The following CACNA1C variants were observed in gnomAD, a reference collection of about 807,000 sequenced individuals.
CACNA1C encodes voltage-dependent L-type calcium channel subunit alpha-1C.
Under a neutral mutation model 229.0 loss-of-function variants are expected in CACNA1C, and 30 were observed. That is an observed-to-expected ratio of 0.13 (90% CI 0.10 to 0.18). The LOEUF (loss-of-function observed/expected upper bound fraction) is 0.18. Among genes scored for constraint, CACNA1C ranks in the 10% least tolerant of loss-of-function variants. CACNA1C has a pLI of 1.00. For missense variants in CACNA1C, 1,658 were observed against 2,845.0 expected, an observed-to-expected ratio of 0.58 and a Z score of 9.49; for synonymous variants, 1,114 against 1,132.5, an observed-to-expected ratio of 0.98 and a Z score of 0.33.
At chr12:2,565,234 C>T (rs1209106995) in intron 11 of CACNA1C, among the ~76,000 whole-genome samples, 13 of 151,190 alleles carry the variant, frequency 8.6e-5, no homozygotes, top group South Asian at 4.2e-4. Context: ...TTTGGGAGGC[C>T]GAGGCGGGTG....
rs1007966014 is a variant in CACNA1C, at chr12:2,486,363, G to C, written c.916+101G>C. 4 of 957,176 alleles carry C rather than the reference G, an allele frequency of 4.2e-6. No homozygotes were observed. The highest frequency in any genetic ancestry group is 4.8e-5 in the Admixed American group (2 of 41,708). The allele number at this position is 957,176 out of a possible 1,614,324, so 59.3% of individuals were successfully genotyped here. A position where few individuals can be genotyped will look rare whatever the true frequency, so the allele number is the denominator to read the frequency against. ...ACCAACATGACCAGCAGAGCCCAGG[G>C]AAGGCCCCATTCATTCAGACACACA... On this transcript the variant is annotated intron_variant, in intron 6 of 46. Transcript: ENST00000399655. The surrounding 1 kb of genome is among the most constrained non-coding windows in gnomAD (Gnocchi z 4.9).
At chr12:2,655,111 A>T in intron 33 of CACNA1C, 36 bp from the exon 34 acceptor site, 1 of 1,328,536 alleles carries the variant, frequency 7.5e-7, no homozygotes, top group Non-Finnish European at 1.1e-6. Flanking sequence ...CTATCTGTCC[A>T]CAAATCACTG....
chr12:2,258,174 G>A (rs996328430), intron 3 of CACNA1C, among the ~76,000 whole-genome samples: 1 of 152,170 alleles, frequency 6.6e-6, no homozygotes, highest in African/African-American at 2.4e-5. Flanking sequence ...CTTATTTCTG[G>A]TTATTTGCCA....
rs946388818 is a variant in CACNA1C, at chr12:2,285,940, C to G, written c.478-163036C>G. Among the ~76,000 whole-genome samples, 1 of 152,174 alleles carries G rather than the reference C, an allele frequency of 6.6e-6. No individual in the cohort carries two copies. Among genetic ancestry groups the G allele is most frequent in the Admixed American group, 6.5e-5 (1 of 15,282 alleles). On this transcript the variant is annotated intron_variant, in intron 3 of 46. Transcript: ENST00000399655. This position sits in a 1 kb window ranked among gnomAD's most constrained non-coding sequence, Gnocchi z 4.2. ...TTTCAGGCCATTTCGTTTAGGCGAG[C>G]CCTCATGTTATAGTCAGGGAGTTTG...
intron 43 of CACNA1C, among the ~76,000 whole-genome samples, chr12:2,683,082 A>G (rs1161251833): frequency 6.6e-6 from 1 of 152,194 alleles, no homozygotes; most frequent in Non-Finnish European, 1.5e-5. Context: ...ACTGCTTATA[A>G]TGAAGCTGCC....
intron 3 of CACNA1C, among the ~76,000 whole-genome samples, chr12:2,447,374 C>T (rs908515101): frequency 6.6e-6 from 1 of 152,090 alleles, no homozygotes; most frequent in African/African-American, 2.4e-5. Flanking sequence ...GAAATCTGAC[C>T]CCTGCACTCC....
At position 2,639,380 on chromosome 12, in the gene CACNA1C, G is replaced by A. The variant is rs2093363027; in HGVS notation, c.3912+5000G>A. On this transcript the variant is annotated intron_variant, in intron 30 of 46. Transcript: ENST00000399655. The surrounding 1 kb of genome is among the most constrained non-coding windows in gnomAD (Gnocchi z 4.2). ...AAACTGGAATTAATTTGACTGCTTG[G>A]GCCAACAGCCTTTCCCGACACACTT... Among the ~76,000 whole-genome samples the A allele has an allele frequency of 6.6e-6, 1 of 152,062 alleles. No homozygotes were observed. The highest frequency in any genetic ancestry group is 1.5e-5 in the Non-Finnish European group (1 of 68,032).
At chr12:2,557,027 T>C (rs2154592588) in intron 11 of CACNA1C, 50 bp downstream of exon 11, 1 of 1,550,064 alleles carries the variant, frequency 6.5e-7, no homozygotes, top group Non-Finnish European at 8.9e-7. Context: ...CAGCTCTGTC[T>C]TCAGCCACCC....
At chr12:2,606,899 C>T in intron 25 of CACNA1C, 85 bp from the exon 26 acceptor site, 1 of 1,487,244 alleles carries the variant, frequency 6.7e-7, no homozygotes, top group Non-Finnish European at 9.3e-7. Context: ...CAGTCCCATC[C>T]CACCCAGCAT....
intron 10 of CACNA1C, among the ~76,000 whole-genome samples, chr12:2,556,323 C>A (rs2044250229): frequency 6.6e-6 from 1 of 152,196 alleles, no homozygotes; most frequent in South Asian, 2.1e-4. Flanking sequence ...TTCCAGGCAG[C>A]CACCCTCACA....
chr12:2,037,965 G>A (rs950327115), intron 1 of CACNA1C, among the ~76,000 whole-genome samples: 2 of 152,244 alleles, frequency 1.3e-5, no homozygotes, highest in Non-Finnish European at 2.9e-5. Context: ...TCTAGGCAAC[G>A]TTGTAAAGCA....
At chr12:2,372,819 T>G (rs111762496) in intron 3 of CACNA1C, among the ~76,000 whole-genome samples, 4,104 of 152,322 alleles carry the variant, frequency 0.027, 179 homozygotes, top group African/African-American at 0.093. Flanking sequence ...CCTGTCAGCC[T>G]CAGGGGTCCG....
chr12:2,401,791 G>T (rs928093108), intron 3 of CACNA1C, among the ~76,000 whole-genome samples: 3 of 152,254 alleles, frequency 2.0e-5, no homozygotes, highest in African/African-American at 7.2e-5. Flanking sequence ...CAGCTAGTAA[G>T]CACTGAATGT....
Position 2,611,886 on chromosome 12 carries a change from C to T in CACNA1C, c.3718-17C>T. The T allele has an allele frequency of 6.5e-7, 1 of 1,547,248 alleles. No homozygotes were observed. The highest frequency in any genetic ancestry group is 8.9e-7 in the Non-Finnish European group (1 of 1,119,592). Reference sequence around the variant, plus strand: ...TCCCTGCCCCGTGTTCACAGCTCCTCCCCTCTCCTGATGCAGCACTACGGC... The same window carrying T: ...TCCCTGCCCCGTGTTCACAGCTCCTTCCCTCTCCTGATGCAGCACTACGGC... On this transcript the variant is annotated splice_polypyrimidine_tract_variant and intron_variant, in intron 28 of 46. Transcript: ENST00000399655.
At chr12:2,690,749 C>T (rs2097771454) in intron 46 of CACNA1C, 151 bp from the exon 47 acceptor site, 3 of 699,534 alleles carry the variant, frequency 4.3e-6, no homozygotes, top group African/African-American at 1.8e-5. Flanking sequence ...CCCATGGGTG[C>T]CCCTCCCAAC....
At chr12:2,238,171 C>G (rs1030566590) in intron 3 of CACNA1C, among the ~76,000 whole-genome samples, 2 of 152,186 alleles carry the variant, frequency 1.3e-5, no homozygotes, top group African/African-American at 2.4e-5. Context: ...GCAGAAGAAG[C>G]ATTTTTTGTT....
chr12:2,089,862 T>A (rs1252674812), intron 1 of CACNA1C, among the ~76,000 whole-genome samples: 1 of 98,342 alleles, frequency 1.0e-5, no homozygotes, highest in African/African-American at 4.1e-5. Flanking sequence ...GTGAAACCCC[T>A]ACTAAAAATA....
chr12:2,696,337 A>T lies in CACNA1C; in HGVS notation c.*5138A>T, dbSNP rs2153903680. 1.3e-5 allele frequency: 2 copies of T among 152,294 alleles called. No individual in the cohort carries two copies. The highest frequency in any genetic ancestry group is 2.1e-4 in the South Asian group (1 of 4,824). The allele number at this position is 152,294 out of a possible 1,614,324, so 9.4% of individuals were successfully genotyped here. A position where few individuals can be genotyped will look rare whatever the true frequency, so the allele number is the denominator to read the frequency against. On this transcript the variant is annotated 3_prime_UTR_variant, in exon 47 of 47. Coordinates refer to ENST00000399655, the MANE Select transcript of CACNA1C (RefSeq NM_000719.7). ...CTCTACTAAGAATGAGGAAGAAAAG[A>T]CTAAGACTAGGTAATTACACAGAGG...
At chr12:1,981,647 C>A (rs1742161298) in intron 1 of CACNA1C, among the ~76,000 whole-genome samples, 1 of 152,084 alleles carries the variant, frequency 6.6e-6, no homozygotes, top group South Asian at 2.1e-4. Context: ...TCGTTACTGC[C>A]AAAACCCAAC....
Sources: allele counts gnomAD v4.1 joint callset (sites outside exome capture counted in the v4.1 genomes callset), GRCh38; gene constraint gnomAD v4.1.1; non-coding constraint Gnocchi (gnomAD v3.1); transcripts MANE v1.5; gene names NCBI Gene and HGNC (gene_info 2026-07-23, HGNC 2026-07-21).